The following C12orf56 variants were observed in gnomAD, a reference collection of about 807,000 sequenced individuals.
C12orf56 encodes chromosome 12 open reading frame 56.
In C12orf56, 71 loss-of-function variants were observed where a neutral mutation model predicts 69.9. The ratio of observed to expected loss-of-function variants is 1.02; its 90% CI spans 0.84 to 1.24. The LOEUF (loss-of-function observed/expected upper bound fraction) is 1.24, where lower values mean the gene tolerates loss of function less well. Ranked by LOEUF, C12orf56 falls within the 50% of genes most tolerant of loss-of-function variation. The pLI, the probability that C12orf56 is intolerant of heterozygous loss-of-function variation, is 0.00. For synonymous variants in C12orf56, 276 were observed against 274.1 expected (o/e 1.01, Z -0.07); for missense variants, 732 against 738.5 (o/e 0.99, Z 0.10).
At chr12:64,314,615 ATGT>A (rs1342636368) in intron 4 of C12orf56, among the ~76,000 whole-genome samples, 3 of 151,528 alleles carry the variant, frequency 2.0e-5, no homozygotes, top group East Asian at 3.9e-4. Flanking sequence ...AATTTCTCAA[ATGT>A]TGTTGATTTG....
At chr12:64,332,628 C>T (rs1263988736) in intron 2 of C12orf56, among the ~76,000 whole-genome samples, 1 of 151,930 alleles carries the variant, frequency 6.6e-6, no homozygotes, top group East Asian at 1.9e-4. Flanking sequence ...AGGGGGGGCT[C>T]TCCAAATTGT....
chr12:64,351,595 A>G (rs1420985879), intron 2 of C12orf56, among the ~76,000 whole-genome samples: 1 of 152,126 alleles, frequency 6.6e-6, no homozygotes, highest in Non-Finnish European at 1.5e-5. Flanking sequence ...AAGAGCATAT[A>G]TTCCCAGCCC....
intron 2 of C12orf56, chr12:64,352,254 C>T (rs1164933793): frequency 2.0e-5 from 3 of 152,144 alleles, no homozygotes; most frequent in Non-Finnish European, 4.4e-5. Context: ...CAGTTTGTCT[C>T]TTCTCACTTT....
At position 64,286,069 on chromosome 12, in the gene C12orf56, G is replaced by A. The variant is rs2038197739; in HGVS notation, c.1114-9C>T. 6.5e-7 allele frequency: 1 copy of A among 1,533,894 alleles called. No homozygotes were observed. Among genetic ancestry groups the A allele is most frequent in the East Asian group, 2.2e-5 (1 of 44,446 alleles). Reference sequence around the variant, plus strand: ...TAGAAAAGGTCACTGGTCTGTGAAAGCAAGTTGGAAAAAAAGACAGTAATT... The same window carrying A: ...TAGAAAAGGTCACTGGTCTGTGAAAACAAGTTGGAAAAAAAGACAGTAATT... On this transcript the variant is annotated splice_polypyrimidine_tract_variant and intron_variant, in intron 6 of 12. Transcript: ENST00000543942.
intron 1 of C12orf56, among the ~76,000 whole-genome samples, chr12:64,375,858 A>G (rs1420782410): frequency 6.6e-6 from 1 of 152,162 alleles, no homozygotes; most frequent in African/African-American, 2.4e-5. Flanking sequence ...TGCGATGAAA[A>G]GTGGATTTTA....
At chr12:64,331,912 CT>C (rs2038934983) in intron 2 of C12orf56, among the ~76,000 whole-genome samples, 1 of 151,142 alleles carries the variant, frequency 6.6e-6, no homozygotes, top group African/African-American at 2.4e-5. Flanking sequence ...GAATTGCTCT[CT>C]TCCTATAGTT....
At chr12:64,376,028 T>C (rs1003582095) in intron 1 of C12orf56, among the ~76,000 whole-genome samples, 1 of 151,800 alleles carries the variant, frequency 6.6e-6, no homozygotes, top group Non-Finnish European at 1.5e-5. Flanking sequence ...AGCAAACCCA[T>C]TACATCTGAG....
chr12:64,283,129 T>G (rs1370011736), intron 8 of C12orf56, among the ~76,000 whole-genome samples: 5 of 135,184 alleles, frequency 3.7e-5, no homozygotes, highest in Admixed American at 7.5e-5. Flanking sequence ...ACAACAAGAG[T>G]GAAGCGCTGT....
Position 64,365,162 on chromosome 12 carries a change from C to CTTTTTTTT in C12orf56, c.253-12114_253-12107dup, listed in dbSNP as rs386376771. Among the ~76,000 whole-genome samples, 3 of 123,074 alleles carry CTTTTTTTT rather than the reference C, an allele frequency of 2.4e-5. 1 individual carries two copies. Among genetic ancestry groups the CTTTTTTTT allele is most frequent in the Admixed American group, 9.5e-5 (1 of 10,556 alleles). 80.7% of individuals were successfully genotyped at this position (123,074 alleles called of 152,430 possible). ...ACTTCATCAGCTGTTAAAGCTGTTCCTTTTTTTTTTTTTTTTTTTTAGATG... is the reference window on the plus strand; with the variant it reads ...ACTTCATCAGCTGTTAAAGCTGTTCCTTTTTTTTTTTTTTTTTTTTTTTTTTTTAGATG... On this transcript the variant is annotated intron_variant, in intron 1 of 12. Coordinates refer to ENST00000543942, the MANE Select transcript of C12orf56 (RefSeq NM_001170633.2).
rs375927934 is a variant in C12orf56, at chr12:64,323,565, C to CTTTTTTTTTTT, written c.489-4596_489-4586dup. On this transcript the variant is annotated intron_variant, in intron 3 of 12. Transcript: ENST00000543942. ...CTAAAACAACTACTGCAAACATTTC[C>CTTTTTTTTTTT]TTTTTTTTTTTTTGCCAAGACAGGG... 1.3e-3 allele frequency among the ~76,000 whole-genome samples: 176 copies of CTTTTTTTTTTT among 130,802 alleles called. 9 individuals are homozygous for CTTTTTTTTTTT. The highest frequency in any genetic ancestry group is 1.5e-3 in the Non-Finnish European group (92 of 63,206). The allele number at this position is 130,802 out of a possible 152,430, so 85.8% of individuals were successfully genotyped here.
Position 64,390,390 on chromosome 12 carries a change from A to G in C12orf56, c.176T>C (p.Leu59Pro). The change falls in exon 1 of 13, where the codon CTC (leucine) becomes CCC (proline). Residue 59 changes from leucine (L) to proline (P), a missense_variant. Physicochemically the swap from Leu to Pro is moderately conservative, Grantham distance 98. Coordinates refer to ENST00000543942, the MANE Select transcript of C12orf56 (RefSeq NM_001170633.2). ...GGGCGGGTTCTCGGTTAGGTAGACG[A>G]GCCGGTCGCTTAGCACCACATACTT... ...ILKYVVLSDR[L>P]VYLTENPPKS... 2 of 1,613,260 alleles carry G rather than the reference A, an allele frequency of 1.2e-6. No individual in the cohort carries two copies.
At chr12:64,285,184 TAA>T (rs5798744) in intron 7 of C12orf56, among the ~76,000 whole-genome samples, 290 of 144,988 alleles carry the variant, frequency 2.0e-3, no homozygotes, top group Non-Finnish European at 1.8e-3. Context: ...AGAACTTTTC[TAA>T]AAAAAAAAAA....
chr12:64,330,877 GA>G (rs1368110931), intron 3 of C12orf56, 82 bp downstream of exon 3: 26 of 1,181,776 alleles, frequency 2.2e-5, no homozygotes, highest in Middle Eastern at 2.0e-4. Context: ...CATTAGTAGA[GA>G]AAAAAAATTA....
intron 3 of C12orf56, among the ~76,000 whole-genome samples, chr12:64,329,803 T>C (rs1462379633): frequency 1.3e-5 from 2 of 151,164 alleles, no homozygotes; most frequent in African/African-American, 4.9e-5. Context: ...TGTGATAGTT[T>C]ACTGAGAATG....
At chr12:64,311,474 C>A (rs1312272934) in intron 5 of C12orf56, among the ~76,000 whole-genome samples, 1 of 151,144 alleles carries the variant, frequency 6.6e-6, no homozygotes, top group Non-Finnish European at 1.5e-5. Context: ...TATGGAGGAG[C>A]CCCTCCTAAC....
chr12:64,278,907 T>TTC (rs1284869756), intron 8 of C12orf56, among the ~76,000 whole-genome samples: 2 of 152,222 alleles, frequency 1.3e-5, no homozygotes, highest in African/African-American at 4.8e-5. Flanking sequence ...CTTAGCCTAA[T>TTC]ATCCTCCAGT....
intron 2 of C12orf56, among the ~76,000 whole-genome samples, chr12:64,346,378 C>T (rs1045421419): frequency 5.3e-5 from 8 of 152,238 alleles, no homozygotes; most frequent in East Asian, 1.9e-4. Flanking sequence ...ATTATGCCCA[C>T]CCAGATAAAG....
At chr12:64,293,245 A>G (rs2038318948) in intron 6 of C12orf56, 1 of 152,050 alleles carries the variant, frequency 6.6e-6, no homozygotes, top group Admixed American at 6.6e-5. Flanking sequence ...GCCTGCGCCC[A>G]CTGTCTGGCA....
At chr12:64,325,355 C>T (rs2038823924) in intron 3 of C12orf56, among the ~76,000 whole-genome samples, 1 of 92,040 alleles carries the variant, frequency 1.1e-5, no homozygotes, top group African/African-American at 4.7e-5. Context: ...AGAGCAAGAC[C>T]CTGTCTAAAA....
Sources: gnomAD v4.1 joint callset for allele counts (sites outside exome capture counted in the v4.1 genomes callset) on GRCh38, gnomAD v4.1.1 for gene constraint, MANE v1.5 for transcripts, NCBI Gene and HGNC (gene_info 2026-07-23, HGNC 2026-07-21) for gene names.